Variants in HS6ST2 observed in about 807,000 individuals in gnomAD.
The protein encoded by HS6ST2 is heparan-sulfate 6-O-sulfotransferase 2.
A neutral mutation model predicts 33.0 loss-of-function variants in HS6ST2; 17 were observed. The ratio of observed to expected loss-of-function variants is 0.52; its 90% confidence interval spans 0.35 to 0.77. HS6ST2 has a LOEUF of 0.77. Among genes scored for constraint, HS6ST2 ranks in the 30% least tolerant of loss-of-function variants. The pLI is 0.01. For synonymous variants in HS6ST2, 248 were observed against 237.1 expected (o/e 1.05, Z -0.42); for missense variants, 519 against 551.7 (o/e 0.94, Z 0.59).
At chrX:132,747,277 C>T (rs185516889) in intron 2 of HS6ST2, among the ~76,000 whole-genome samples, 1 of 112,098 alleles carries the variant, frequency 8.9e-6, no homozygotes, top group Non-Finnish European at 1.9e-5. Context: ...AGGTCTATAA[C>T]ATGGCTTTGT....
At chrX:132,734,495 GA>G (rs1255699728) in intron 2 of HS6ST2, among the ~76,000 whole-genome samples, 1 of 111,913 alleles carries the variant, frequency 8.9e-6, no homozygotes, top group Non-Finnish European at 1.9e-5. Flanking sequence ...CAGAGTTGGT[GA>G]AAACTAGGTG....
chrX:132,857,895 C>T (rs147085896), intron 2 of HS6ST2, among the ~76,000 whole-genome samples: 1,135 of 112,139 alleles, frequency 0.01, 10 homozygotes, highest in African/African-American at 0.035. Context: ...ATACATTACA[C>T]AATGTCCTTG....
chrX:132,720,898 T>C (rs767067060), intron 2 of HS6ST2, among the ~76,000 whole-genome samples: 43 of 111,484 alleles, frequency 3.9e-4, no homozygotes, highest in African/African-American at 1.4e-3. Flanking sequence ...TAAATATATA[T>C]GCACCCAACA....
At chrX:132,731,622 C>T (rs1248107821) in intron 2 of HS6ST2, among the ~76,000 whole-genome samples, 2 of 111,816 alleles carry the variant, frequency 1.8e-5, no homozygotes, top group Admixed American at 1.9e-4. Context: ...CCAAGGTGGG[C>T]GGATCACGAG....
intron 2 of HS6ST2, among the ~76,000 whole-genome samples, chrX:132,716,289 C>T (rs1161840660): frequency 8.9e-6 from 1 of 112,147 alleles, no homozygotes; most frequent in East Asian, 2.8e-4. Context: ...TATAACTTGT[C>T]CTTGGCTATG....
At chrX:132,729,669 T>C (rs898905606) in intron 2 of HS6ST2, among the ~76,000 whole-genome samples, 1 of 112,151 alleles carries the variant, frequency 8.9e-6, no homozygotes, top group Admixed American at 9.4e-5. Context: ...AGTTATTTTT[T>C]TTTACTTTGG....
intron 2 of HS6ST2, among the ~76,000 whole-genome samples, chrX:132,884,097 A>G (rs1255519391): frequency 1.8e-5 from 2 of 111,333 alleles, no homozygotes; most frequent in African/African-American, 6.5e-5. Context: ...CTTCCGAGTG[A>G]ATGGGAAGTA....
chrX:132,690,106 A>G (rs1231941264), intron 3 of HS6ST2, among the ~76,000 whole-genome samples: 2 of 112,520 alleles, frequency 1.8e-5, no homozygotes, highest in African/African-American at 6.5e-5. Flanking sequence ...ATGTAAATGA[A>G]TGCATGGCTG....
At chrX:132,885,878 A>G (rs1234517523) in intron 2 of HS6ST2, among the ~76,000 whole-genome samples, 1 of 112,036 alleles carries the variant, frequency 8.9e-6, no homozygotes, top group African/African-American at 3.2e-5. Context: ...CATAATTCAC[A>G]TATTTAGATC....
chrX:132,855,445 C>A (rs1847569880), intron 2 of HS6ST2, among the ~76,000 whole-genome samples: 1 of 112,157 alleles, frequency 8.9e-6, no homozygotes, highest in Non-Finnish European at 1.9e-5. Flanking sequence ...TATTTATTCA[C>A]CAACATAAAT....
Position 132,851,463 on chromosome X carries a change from C to T in HS6ST2, c.947+105345G>A, listed in dbSNP as rs1436963471. Among the ~76,000 whole-genome samples, 4 of 112,582 alleles carry T rather than the reference C, an allele frequency of 3.6e-5. No homozygotes were observed. The Admixed American group carries it at 3.7e-4, about 11-fold the overall frequency. On this transcript the variant is annotated intron_variant, in intron 2 of 4. Coordinates refer to ENST00000370833, the MANE Select transcript of HS6ST2 (RefSeq NM_001394073.1). Reference sequence around the variant, plus strand: ...TGAGTCTGGGAAAGTCGCTTAACTTCTCAACTTCAGGGTTGTTGTAAGGGT... The same window carrying T: ...TGAGTCTGGGAAAGTCGCTTAACTTTTCAACTTCAGGGTTGTTGTAAGGGT...
chrX:132,933,090 GC>G (rs1299772502), intron 2 of HS6ST2, among the ~76,000 whole-genome samples: 1 of 109,647 alleles, frequency 9.1e-6, no homozygotes, highest in East Asian at 2.8e-4. Flanking sequence ...ACTTTGGGGG[GC>G]CTAGGTAGGC....
intron 2 of HS6ST2, among the ~76,000 whole-genome samples, chrX:132,871,489 A>C (rs1438752549): frequency 8.9e-6 from 1 of 112,083 alleles, no homozygotes; most frequent in Non-Finnish European, 1.9e-5. Context: ...ACGTATGTTT[A>C]TTGCAGCACT....
chrX:132,826,978 C>A (rs1388809014), intron 2 of HS6ST2, among the ~76,000 whole-genome samples: 2 of 111,003 alleles, frequency 1.8e-5, no homozygotes, highest in African/African-American at 6.6e-5. Context: ...ACTGAAAACT[C>A]CTTGGCGAAA....
At chrX:132,838,530 G>A (rs1485194505) in intron 2 of HS6ST2, among the ~76,000 whole-genome samples, 1 of 111,466 alleles carries the variant, frequency 9.0e-6, no homozygotes, top group Middle Eastern at 4.2e-3. Flanking sequence ...ACTCTACTTG[G>A]CAACACCGAA....
intron 2 of HS6ST2, among the ~76,000 whole-genome samples, chrX:132,895,121 A>C (rs2066361841): frequency 8.9e-6 from 1 of 112,047 alleles, no homozygotes; most frequent in Non-Finnish European, 1.9e-5. Context: ...TAAACGAATA[A>C]ATTAAAATTT....
intron 2 of HS6ST2, among the ~76,000 whole-genome samples, chrX:132,896,544 T>A (rs953468005): frequency 9.0e-6 from 1 of 111,032 alleles, no homozygotes; most frequent in Non-Finnish European, 1.9e-5. Flanking sequence ...CAATAATAAC[T>A]TAAATGCACA....
intron 3 of HS6ST2, among the ~76,000 whole-genome samples, chrX:132,670,807 C>A (rs1251690377): frequency 8.9e-6 from 1 of 111,754 alleles, no homozygotes; most frequent in Non-Finnish European, 1.9e-5. Context: ...TGCGAGACTC[C>A]GTCTCAAGAA....
chrX:132,921,568 T>C (rs909627158), intron 2 of HS6ST2, among the ~76,000 whole-genome samples: 10 of 112,541 alleles, frequency 8.9e-5, no homozygotes, highest in Non-Finnish European at 1.9e-4. Context: ...GTCTCCCATC[T>C]GGTAAAACAA....
Sources: gnomAD v4.1 joint callset for allele counts (sites outside exome capture counted in the v4.1 genomes callset) on GRCh38, gnomAD v4.1.1 for gene constraint, MANE v1.5 for transcripts, NCBI Gene and HGNC (gene_info 2026-07-23, HGNC 2026-07-21) for gene names.